The following PHF24 variants were observed in gnomAD, a reference collection of about 807,000 sequenced individuals.
PHF24 encodes Galpha inhibitory interacting protein.
Under a neutral mutation model 42.6 loss-of-function variants are expected in PHF24, and 25 were observed. The ratio of observed to expected loss-of-function variants is 0.59; its 90% confidence interval spans 0.43 to 0.82. PHF24 has a LOEUF of 0.82. PHF24 is among the 40% of genes least tolerant of loss of function. The pLI is 0.00. For missense variants in PHF24, 470 were observed against 538.1 expected, an observed-to-expected ratio of 0.87 and a Z score of 1.25; for synonymous variants, 185 against 204.8, an observed-to-expected ratio of 0.90 and a Z score of 0.83.
At chr9:34,675,487 A>T in the PHF24 span, among the ~76,000 whole-genome samples, 2 of 152,260 alleles carry the variant, frequency 1.3e-5, no homozygotes, top group South Asian at 4.1e-4. Context: ...TCCTCTATTC[A>T]TGTCTGGAGG....
the PHF24 span, among the ~76,000 whole-genome samples, chr9:34,718,274 G>A: frequency 6.6e-6 from 1 of 152,162 alleles, no homozygotes; most frequent in African/African-American, 2.4e-5. Flanking sequence ...GGGGGCAGTT[G>A]GCAGCACTCA....
chr9:34,976,346 G>A (rs1827184013), intron 4 of PHF24, 116 bp downstream of exon 4: 1 of 1,034,850 alleles, frequency 9.7e-7, no homozygotes, highest in South Asian at 1.3e-5. Context: ...GGGTAAATGA[G>A]TCCTTGTTCC....
intron 1 of PHF24, among the ~76,000 whole-genome samples, chr9:34,959,202 G>T (rs1334791526): frequency 6.6e-6 from 1 of 152,202 alleles, no homozygotes; most frequent in Non-Finnish European, 1.5e-5. Context: ...AGGTTTGACC[G>T]TGCGGAAGGA....
chr9:34,960,368 A>G (rs147754161), intron 1 of PHF24, among the ~76,000 whole-genome samples: 16 of 152,296 alleles, frequency 1.1e-4, no homozygotes, highest in African/African-American at 3.9e-4. Context: ...AACATAGTTT[A>G]CCAGTTGTTA....
rs373622708 is a variant in PHF24 at position 34,963,189 on chromosome 9, A to G, written c.-5+4788A>G. ...GAATTTCCTAAAGCAACAGCCAGTC[A>G]CTGGAGAACAATCGGACCCCTCGGG... On this transcript the variant is annotated intron_variant, in intron 1 of 7. Coordinates refer to ENST00000242315, the Ensembl canonical transcript of PHF24. 5.9e-4 allele frequency among the ~76,000 whole-genome samples: 90 copies of G among 151,978 alleles called. 1 individual carries two copies. In the South Asian group the frequency reaches 0.019, roughly 32 times the overall value.
At chr9:34,676,877 C>T in the PHF24 span, among the ~76,000 whole-genome samples, 17 of 152,164 alleles carry the variant, frequency 1.1e-4, no homozygotes, top group Non-Finnish European at 1.8e-4. Context: ...AGAACTCACT[C>T]ATTTTCAGGA....
the PHF24 span, chr9:34,723,296 G>T: frequency 4.7e-5 from 73 of 1,551,694 alleles, 1 homozygote; most frequent in South Asian, 7.6e-4. Context: ...GCAGTGGCGG[G>T]GGTAGCCCAG....
At chr9:34,689,976 G>C in the PHF24 span, 1 of 1,614,086 alleles carries the variant, frequency 6.2e-7, no homozygotes, top group South Asian at 1.1e-5. This position sits in a 1 kb window ranked among gnomAD's most constrained non-coding sequence, Gnocchi z 4.1. Flanking sequence ...TTCTACCCAG[G>C]GCTGGTCTGG....
chr9:34,731,862 CT>C, the PHF24 span, among the ~76,000 whole-genome samples: 1 of 149,874 alleles, frequency 6.7e-6, no homozygotes, highest in African/African-American at 2.5e-5. Context: ...GTTTTTTTTT[CT>C]TTTTTTGGAC....
the PHF24 span, among the ~76,000 whole-genome samples, chr9:34,671,670 C>T: frequency 1.6e-4 from 24 of 152,198 alleles, no homozygotes; most frequent in African/African-American, 3.4e-4. Context: ...GGTCAGTGTA[C>T]GGTCACCCAG....
the PHF24 span, among the ~76,000 whole-genome samples, chr9:34,929,326 G>A: frequency 6.6e-6 from 1 of 152,040 alleles, no homozygotes; most frequent in Non-Finnish European, 1.5e-5. Flanking sequence ...ATATGATTTG[G>A]GTTAGGGTGT....
the PHF24 span, among the ~76,000 whole-genome samples, chr9:34,802,228 C>T: frequency 6.6e-6 from 1 of 152,280 alleles, no homozygotes; most frequent in Admixed American, 6.5e-5. Flanking sequence ...TCCCCTGCTC[C>T]ACTCCATGTG....
the PHF24 span, among the ~76,000 whole-genome samples, chr9:34,797,897 T>G: frequency 6.6e-6 from 1 of 151,770 alleles, no homozygotes; most frequent in African/African-American, 2.4e-5. Flanking sequence ...ACATTCAGTA[T>G]CATTTAAAGG....
the PHF24 span, among the ~76,000 whole-genome samples, chr9:34,713,309 C>T: frequency 4.3e-3 from 648 of 152,318 alleles, 6 homozygotes; most frequent in African/African-American, 0.015. Context: ...AAGCCTGTCC[C>T]TTAGGGAACC....
At chr9:34,706,672 T>A in the PHF24 span, among the ~76,000 whole-genome samples, 1 of 152,214 alleles carries the variant, frequency 6.6e-6, no homozygotes, top group South Asian at 2.1e-4. Flanking sequence ...ATACCAGGCA[T>A]GCAGGTGTGG....
chr9:34,770,508 C>T, the PHF24 span, among the ~76,000 whole-genome samples: 1,258 of 151,966 alleles, frequency 8.3e-3, 16 homozygotes, highest in African/African-American at 0.028. Flanking sequence ...CCCAATAATC[C>T]CAATTCTGAT....
At chr9:34,951,882 C>A in the PHF24 span, among the ~76,000 whole-genome samples, 1 of 152,190 alleles carries the variant, frequency 6.6e-6, no homozygotes, top group South Asian at 2.1e-4. Context: ...ACCCTCAGCA[C>A]CTTGAGGCTT....
At chr9:34,713,507 C>G in the PHF24 span, among the ~76,000 whole-genome samples, 4 of 150,164 alleles carry the variant, frequency 2.7e-5, no homozygotes, top group Non-Finnish European at 4.4e-5. Context: ...TACCACCCCC[C>G]CTGCTTGTTA....
the PHF24 span, among the ~76,000 whole-genome samples, chr9:34,907,095 A>G: frequency 1.3e-5 from 2 of 152,172 alleles, no homozygotes; most frequent in Non-Finnish European, 2.9e-5. Context: ...CCAAAGGGCT[A>G]GGACTACAGT....
Sources: gnomAD v4.1 joint callset for allele counts (sites outside exome capture counted in the v4.1 genomes callset) on GRCh38, gnomAD v4.1.1 for gene constraint, Gnocchi (gnomAD v3.1) non-coding constraint, MANE v1.5 for transcripts, NCBI Gene and HGNC (gene_info 2026-07-23, HGNC 2026-07-21) for gene names.